Variants in SPECC1 observed in about 807,000 individuals in gnomAD.
SPECC1 encodes the protein cytospin-B.
Under a neutral mutation model 104.1 loss-of-function variants are expected in SPECC1, and 62 were observed. The observed-to-expected ratio is 0.60, with a 90% CI of 0.49 to 0.74. The LOEUF is 0.74. Among genes scored for constraint, SPECC1 ranks in the 30% least tolerant of loss-of-function variants. The probability of loss-of-function intolerance (pLI) is 0.00; values close to 1 mark genes in which losing one functional copy is unlikely to be tolerated. For synonymous variants in SPECC1, 513 were observed against 501.6 expected (o/e 1.02, Z -0.30); for missense variants, 1,306 against 1,310.5 (o/e 1.00, Z 0.05).
chr17:20,104,740 C>CAAAAA (rs745893309), intron 2 of SPECC1, among the ~76,000 whole-genome samples: 42 of 57,232 alleles, frequency 7.3e-4, no homozygotes, highest in African/African-American at 2.4e-3. Flanking sequence ...GAGACTGTCT[C>CAAAAA]AAAAAAAAAA....
rs1196336896 is a variant in SPECC1, at chr17:20,106,426, G to A, written c.148-4001G>A. On this transcript the variant is annotated intron_variant, in intron 2 of 14. Transcript: ENST00000395527. ...ACCATTACAGAGTTCTCTAAGAAGG[G>A]TAGTAGTGTAACTTCTGGATTAACT... Among the ~76,000 whole-genome samples, 5 of 152,294 alleles carry A rather than the reference G, an allele frequency of 3.3e-5. No individual in the cohort carries two copies. In the South Asian group the frequency reaches 1.0e-3, roughly 32 times the overall value.
intron 1 of SPECC1, chr17:20,056,388 G>T: frequency 5.3e-6 from 1 of 189,254 alleles, no homozygotes. Context: ...ACCGCAGCAA[G>T]GACTGGCGTC....
At position 20,232,375 on chromosome 17, in the gene SPECC1, G is replaced by T. The variant is rs1173116541; in HGVS notation, c.2321G>T (p.Gly774Val). The T allele has an allele frequency of 1.9e-6, 3 of 1,612,966 alleles. No individual in the cohort carries two copies. Among genetic ancestry groups the T allele is most frequent in the Non-Finnish European group, 1.7e-6 (2 of 1,179,440 alleles). Reference sequence around the variant, plus strand: ...GAGCTGGGGGATGTGCAGGGCCACGGCAGGGTGGTCACCAGCAGAGCCGCC... The same window carrying T: ...GAGCTGGGGGATGTGCAGGGCCACGTCAGGGTGGTCACCAGCAGAGCCGCC... ...QKELGDVQGH[G>V]RVVTSRAAPP... Residue 774 changes from glycine (G) to valine (V), a missense_variant, in exon 7 of 15, where the codon GGC (glycine) becomes GTC (valine). Gly to Val is a moderately radical substitution (Grantham distance 109). Around this residue, in one of 2 missense-constraint regions of SPECC1, gnomAD observed 1,177 missense variants for 1,139.9 expected, o/e 1.03. Coordinates refer to ENST00000395527, the MANE Select transcript of SPECC1 (RefSeq NM_001243439.2).
chr17:20,286,787 C>G lies in SPECC1; in HGVS notation c.2941-10174C>G, dbSNP rs193283054. Among the ~76,000 whole-genome samples, 456 of 152,324 alleles carry G rather than the reference C, an allele frequency of 3.0e-3. 2 individuals carry two copies. The highest frequency in any genetic ancestry group is 6.8e-3 in the Middle Eastern group (2 of 294). ...ACCTACCTGGGACCCACAGACCTTG[C>G]CTAGCTCCTGGCTGCCCAGGGCTGG... is the stretch of plus-strand genomic sequence containing the variant. On this transcript the variant is annotated intron_variant, in intron 12 of 14. Coordinates refer to ENST00000395527, the MANE Select transcript of SPECC1 (RefSeq NM_001243439.2).
At chr17:20,212,148 A>G (rs1019249989) in intron 4 of SPECC1, among the ~76,000 whole-genome samples, 1 of 152,100 alleles carries the variant, frequency 6.6e-6, no homozygotes, top group Non-Finnish European at 1.5e-5. Flanking sequence ...ATAAACTAAC[A>G]TTTCCTCCTC....
chr17:20,248,408 T>A (rs2039504298), intron 9 of SPECC1, among the ~76,000 whole-genome samples: 1 of 152,150 alleles, frequency 6.6e-6, no homozygotes, highest in Non-Finnish European at 1.5e-5. Context: ...TCTTGAGATC[T>A]TCTACAAATT....
chr17:20,010,426 G>A (rs1054206600), intron 1 of SPECC1, among the ~76,000 whole-genome samples: 1 of 152,144 alleles, frequency 6.6e-6, no homozygotes, highest in African/African-American at 2.4e-5. Flanking sequence ...GGAAGATTCT[G>A]TTATCCAGTT....
At chr17:20,249,613 AACCACAAT>A (rs542815936) in intron 9 of SPECC1, among the ~76,000 whole-genome samples, 40 of 152,324 alleles carry the variant, frequency 2.6e-4, no homozygotes, top group African/African-American at 8.7e-4. Flanking sequence ...TTCAGCAGAA[AACCACAAT>A]GTATAAAAAA....
In SPECC1 at chr17:20,204,493, G is replaced by A. The variant is rs1225567239; in HGVS notation, c.444G>A (p.Arg148=). 1 of 1,614,090 alleles carries A rather than the reference G, an allele frequency of 6.2e-7. No individual in the cohort carries two copies. ...SNTPTPTKHL[R]TPSTKPKQEN... ...CTCCCACTCCTACGAAACACCTGAGGACCCCTTCCACAAAGCCCAAGCAAG... is the reference window on the plus strand; with the variant it reads ...CTCCCACTCCTACGAAACACCTGAGAACCCCTTCCACAAAGCCCAAGCAAG... The change falls in exon 4 of 15, where the codon AGG becomes AGA. Residue 148 remains arginine (R), a synonymous_variant. Coordinates refer to ENST00000395527, the MANE Select transcript of SPECC1 (RefSeq NM_001243439.2).
intron 1 of SPECC1, among the ~76,000 whole-genome samples, chr17:20,021,631 C>T (rs932958281): frequency 6.7e-5 from 10 of 149,672 alleles, no homozygotes; most frequent in Middle Eastern, 3.5e-3. Flanking sequence ...CTACCTTCCC[C>T]AGCAGCACAC....
Position 20,253,579 on chromosome 17 carries a change from C to T in SPECC1, c.2673C>T (p.Pro891=), listed in dbSNP as rs759591208. The T allele has an allele frequency of 1.2e-6, 2 of 1,613,820 alleles. No homozygotes were observed. Among genetic ancestry groups the T allele is most frequent in the African/African-American group, 2.7e-5 (2 of 74,916 alleles). Residue 891 remains proline, a synonymous_variant, in exon 10 of 15, where the codon CCC becomes CCT. Transcript: ENST00000395527. ...VTQRLDLPDL[P]LSDILKGRTE... ...AACGCTTGGACCTTCCTGACCTTCC[C>T]CTCTCAGGTAAATTATGTCAACATA...
intron 1 of SPECC1, among the ~76,000 whole-genome samples, chr17:20,090,025 C>A (rs1295769075): frequency 6.6e-6 from 1 of 152,196 alleles, no homozygotes; most frequent in Non-Finnish European, 1.5e-5. Flanking sequence ...CTGGGAAGGG[C>A]TTACCAACAA....
At chr17:20,198,939 C>T (rs574526096) in intron 3 of SPECC1, among the ~76,000 whole-genome samples, 8 of 152,242 alleles carry the variant, frequency 5.3e-5, no homozygotes, top group Non-Finnish European at 7.4e-5. Flanking sequence ...AAAATGTATT[C>T]TACCTCTGTG....
chr17:20,228,696 G>A (rs77257188), intron 5 of SPECC1, among the ~76,000 whole-genome samples: 1 of 152,200 alleles, frequency 6.6e-6, no homozygotes, highest in Non-Finnish European at 1.5e-5. Context: ...ACTTCTAGAT[G>A]TTTGCCACTT....
intron 13 of SPECC1, among the ~76,000 whole-genome samples, chr17:20,304,991 A>C (rs1396261396): frequency 6.6e-6 from 1 of 152,108 alleles, no homozygotes; most frequent in African/African-American, 2.4e-5. Flanking sequence ...TAGGAAAAAA[A>C]CAAACTTTTG....
At chr17:20,311,082 A>AG (rs1223596332) in intron 14 of SPECC1, among the ~76,000 whole-genome samples, 1 of 142,700 alleles carries the variant, frequency 7.0e-6, no homozygotes, top group East Asian at 2.2e-4. Context: ...ATACCTTGTT[A>AG]GATTTAGACC....
At chr17:20,180,099 C>G (rs978726535) in intron 3 of SPECC1, among the ~76,000 whole-genome samples, 3 of 152,018 alleles carry the variant, frequency 2.0e-5, no homozygotes, top group Admixed American at 6.6e-5. Flanking sequence ...AACTACTAAC[C>G]AAGTAGTAAA....
rs1221995599 is a variant in SPECC1, at chr17:20,049,894, C to T, written c.-22+40470C>T. ...GCTGGAGTGCAATATCTCAGCTCAC[C>T]GCAACCTGTGCCTCCCAGATTAAAG... On this transcript the variant is annotated intron_variant, in intron 1 of 14. Transcript: ENST00000395527. Among the ~76,000 whole-genome samples the T allele has an allele frequency of 4.0e-5, 6 of 151,898 alleles. No individual in the cohort carries two copies. In the South Asian group the frequency reaches 8.3e-4, roughly 21 times the overall value.
chr17:20,235,579 G>A (rs1474593270), intron 7 of SPECC1, among the ~76,000 whole-genome samples: 1 of 152,138 alleles, frequency 6.6e-6, no homozygotes, highest in Non-Finnish European at 1.5e-5. Context: ...GACATGGTTC[G>A]TGAGCAGTGC....
Sources: allele counts gnomAD v4.1 joint callset (sites outside exome capture counted in the v4.1 genomes callset), GRCh38; gene constraint gnomAD v4.1.1; regional missense constraint gnomAD v4.1.1; transcripts MANE v1.5; gene names NCBI Gene and HGNC (gene_info 2026-07-23, HGNC 2026-07-21).